The following DPP6 variants were observed in gnomAD, a reference collection of about 807,000 sequenced individuals.
DPP6 encodes the protein A-type potassium channel modulatory protein DPP6.
DPP6 carries 69 observed loss-of-function variants against 122.6 expected under a neutral mutation model. The observed-to-expected ratio is 0.56, with a 90% CI of 0.46 to 0.69. The LOEUF (loss-of-function observed/expected upper bound fraction) is 0.69. Ranked by LOEUF, DPP6 falls within the 30% of genes least tolerant of loss-of-function variation. The pLI, the probability that DPP6 is intolerant of heterozygous loss-of-function variation, is 0.00. For missense variants in DPP6, 928 were observed against 1,116.9 expected, an observed-to-expected ratio of 0.83 and a Z score of 2.41; for synonymous variants, 418 against 433.1, an observed-to-expected ratio of 0.97 and a Z score of 0.43.
At chr7:153,928,396 A>ATTTTTTTTTTTTTTCTTTTTTT (rs1801012943) in intron 1 of DPP6, among the ~76,000 whole-genome samples, 1 of 43,672 alleles carries the variant, frequency 2.3e-5, no homozygotes, top group Non-Finnish European at 4.4e-5. Flanking sequence ...CTTTTCTTTC[A>ATTTTTTTTTTTTTTCTTTTTTT]TTTTTTTTTT....
intron 1 of DPP6, among the ~76,000 whole-genome samples, chr7:154,065,452 T>A (rs1407958051): frequency 6.6e-6 from 1 of 150,742 alleles, no homozygotes; most frequent in Non-Finnish European, 1.5e-5. Flanking sequence ...TTCCCCCCAG[T>A]AAGAACAAAA....
At chr7:154,768,218 T>C (rs1312627784) in intron 8 of DPP6, among the ~76,000 whole-genome samples, 1 of 152,252 alleles carries the variant, frequency 6.6e-6, no homozygotes, top group Non-Finnish European at 1.5e-5. Flanking sequence ...CTCCTCCTGG[T>C]GCCTCCCGCA....
intron 1 of DPP6, among the ~76,000 whole-genome samples, chr7:153,956,382 G>A (rs1389546545): frequency 3.9e-5 from 6 of 152,126 alleles, no homozygotes; most frequent in Admixed American, 3.9e-4. Context: ...GTTTGCTCCA[G>A]AAAAGAGACA....
chr7:154,888,502 GA>G (rs1349805144), intron 23 of DPP6, among the ~76,000 whole-genome samples: 1 of 152,200 alleles, frequency 6.6e-6, no homozygotes, highest in African/African-American at 2.4e-5. Context: ...TGTGCGCAGG[GA>G]GGGAGGCCAG....
the DPP6 span, among the ~76,000 whole-genome samples, chr7:153,781,141 G>A: frequency 6.6e-6 from 1 of 152,186 alleles, no homozygotes; most frequent in Admixed American, 6.5e-5. Flanking sequence ...GCAGATTAAT[G>A]AATTATCTAT....
rs777766844 is a variant in DPP6, at chr7:154,893,121, C to G, written c.*641C>G. On this transcript the variant is annotated 3_prime_UTR_variant, in exon 26 of 26. Transcript: ENST00000377770. ...TTTTAACCTGATGCTCCACTGTCTC[C>G]GTCATGGGGTTGTTTTGCTGTTTGG... The G allele has an allele frequency of 7.6e-5, 27 of 355,598 alleles. No individual in the cohort carries two copies. The highest frequency in any genetic ancestry group is 8.3e-5 in the Non-Finnish European group (15 of 180,144). 22.0% of individuals were successfully genotyped at this position (355,598 alleles called of 1,614,324 possible). A position where few individuals can be genotyped will look rare whatever the true frequency, so the allele number is the denominator to read the frequency against.
chr7:154,292,142 C>A (rs1311525932), intron 1 of DPP6, among the ~76,000 whole-genome samples: 1 of 152,144 alleles, frequency 6.6e-6, no homozygotes, highest in African/African-American at 2.4e-5. Context: ...AGAGATATGG[C>A]ACTCTTACGT....
chr7:154,370,275 G>T (rs1053131735), intron 1 of DPP6, among the ~76,000 whole-genome samples: 2 of 151,818 alleles, frequency 1.3e-5, no homozygotes, highest in Middle Eastern at 6.3e-3. Flanking sequence ...GAGCCACCAC[G>T]CTGGGCTGGA....
chr7:154,441,462 T>A (rs1819366188), intron 1 of DPP6, among the ~76,000 whole-genome samples: 1 of 152,190 alleles, frequency 6.6e-6, no homozygotes, highest in Non-Finnish European at 1.5e-5. Context: ...ATCAGTTCCT[T>A]TTGTGTCCCA....
intron 7 of DPP6, among the ~76,000 whole-genome samples, chr7:154,693,169 T>G (rs1453960478): frequency 6.6e-6 from 1 of 151,978 alleles, no homozygotes; most frequent in Non-Finnish European, 1.5e-5. Context: ...GTAATTTGGC[T>G]CCCCTAAAAT....
chr7:154,812,502 G>A (rs887386088), intron 16 of DPP6, among the ~76,000 whole-genome samples: 4 of 152,082 alleles, frequency 2.6e-5, no homozygotes, highest in South Asian at 2.1e-4. Flanking sequence ...TTCTGGTAAG[G>A]GCCCTCTTCT....
At chr7:154,289,616 G>A (rs1805074415) in intron 1 of DPP6, among the ~76,000 whole-genome samples, 2 of 152,202 alleles carry the variant, frequency 1.3e-5, no homozygotes, top group South Asian at 4.1e-4. Context: ...GGGACAAAAT[G>A]TGATCCTGGA....
chr7:153,896,189 T>C (rs1238645200), intron 1 of DPP6, among the ~76,000 whole-genome samples: 2 of 152,234 alleles, frequency 1.3e-5, no homozygotes, highest in Non-Finnish European at 2.9e-5. Flanking sequence ...ATAATTCTCA[T>C]TTTATGGTAT....
intron 1 of DPP6, among the ~76,000 whole-genome samples, chr7:154,263,573 A>T (rs1803173496): frequency 6.6e-6 from 1 of 152,136 alleles, no homozygotes. Context: ...TGCTTCATTC[A>T]TTCTTGTCTA....
At chr7:154,183,503 C>T (rs75168194) in intron 1 of DPP6, among the ~76,000 whole-genome samples, 1,580 of 152,266 alleles carry the variant, frequency 0.01, 29 homozygotes, top group African/African-American at 0.035. Flanking sequence ...GCAGAATCAC[C>T]TCGGGGAGTG....
In DPP6 at chr7:154,300,841, G is replaced by T. The variant is rs76338765; in HGVS notation, c.244-145373G>T. The stretch of plus-strand genomic sequence containing the variant: ...GCTGTTGGGTCCCCCAAAAATCCAT[G>T]TGTTGAAGTCTTAACACCCAGTGCT... On this transcript the variant is annotated intron_variant, in intron 1 of 25. Coordinates refer to ENST00000377770, the MANE Select transcript of DPP6 (RefSeq NM_130797.4). Among the ~76,000 whole-genome samples, 189 of 152,370 alleles carry T rather than the reference G, an allele frequency of 1.2e-3. 1 individual carries two copies. Among genetic ancestry groups the T allele is most frequent in the African/African-American group, 4.4e-3 (181 of 41,588 alleles).
At chr7:153,971,224 C>A (rs940970469) in intron 1 of DPP6, among the ~76,000 whole-genome samples, 1 of 152,000 alleles carries the variant, frequency 6.6e-6, no homozygotes, top group African/African-American at 2.4e-5. Flanking sequence ...TTTTAACTTA[C>A]TATTTCCAAT....
At chr7:154,748,391 C>T (rs1052295156) in intron 8 of DPP6, among the ~76,000 whole-genome samples, 1 of 152,204 alleles carries the variant, frequency 6.6e-6, no homozygotes, top group African/African-American at 2.4e-5. Flanking sequence ...TGGGCACAGC[C>T]GTTACCCTTC....
chr7:153,974,169 A>G (rs189417752), intron 1 of DPP6, among the ~76,000 whole-genome samples: 1 of 152,138 alleles, frequency 6.6e-6, no homozygotes, highest in Non-Finnish European at 1.5e-5. Flanking sequence ...TGTTGGGCCT[A>G]TTTAAGGCAC....
Sources: allele counts gnomAD v4.1 joint callset (sites outside exome capture counted in the v4.1 genomes callset), GRCh38; gene constraint gnomAD v4.1.1; transcripts MANE v1.5; gene names NCBI Gene and HGNC (gene_info 2026-07-23, HGNC 2026-07-21).